The following OPCML variants were observed in gnomAD, a reference collection of about 807,000 sequenced individuals.
OPCML encodes opioid-binding protein/cell adhesion molecule.
OPCML carries 13 observed loss-of-function variants against 37.8 expected under a neutral mutation model. The ratio of observed to expected loss-of-function variants is 0.34; its 90% CI spans 0.22 to 0.55. The LOEUF (loss-of-function observed/expected upper bound fraction) is 0.55. OPCML is among the 20% of genes least tolerant of loss of function. The pLI, the probability that OPCML is intolerant of heterozygous loss-of-function variation, is 0.91. For synonymous variants in OPCML, 176 were observed against 168.8 expected, an observed-to-expected ratio of 1.04 and a Z score of -0.33; for missense variants, 341 against 435.6, an observed-to-expected ratio of 0.78 and a Z score of 1.93.
chr11:133,351,549 T>C (rs1239261489), intron 1 of OPCML, among the ~76,000 whole-genome samples: 1 of 151,670 alleles, frequency 6.6e-6, no homozygotes, highest in Non-Finnish European at 1.5e-5. Flanking sequence ...TCCTTCTCTT[T>C]CTGACCTCTA....
At chr11:133,526,295 G>C (rs952916274) in intron 1 of OPCML, among the ~76,000 whole-genome samples, 1 of 152,204 alleles carries the variant, frequency 6.6e-6, no homozygotes, top group African/African-American at 2.4e-5. Context: ...CCAAGGCTGG[G>C]GGCTAGAGTT....
chr11:132,559,944 A>G lies in OPCML; in HGVS notation c.380-30758T>C, dbSNP rs538821064. Among the ~76,000 whole-genome samples the G allele has an allele frequency of 7.2e-5, 11 of 152,344 alleles. No individual in the cohort carries two copies. In the South Asian group the frequency reaches 2.3e-3, roughly 32 times the overall value. ...AAGAATTGGCAAAAGCTATTTTACA[A>G]GTATCCCTCACTTTATATAAAAGCC... On this transcript the variant is annotated intron_variant, in intron 3 of 7. Coordinates refer to ENST00000524381, the MANE Select transcript of OPCML (RefSeq NM_001012393.5).
chr11:133,377,421 C>T (rs1037418159), intron 1 of OPCML, among the ~76,000 whole-genome samples: 2 of 151,652 alleles, frequency 1.3e-5, no homozygotes, highest in South Asian at 2.1e-4. Flanking sequence ...TGAGTTTTGC[C>T]GATTGAAGAT....
intron 7 of OPCML, among the ~76,000 whole-genome samples, chr11:132,424,993 G>A (rs1424611972): frequency 1.3e-5 from 2 of 152,206 alleles, no homozygotes; most frequent in African/African-American, 4.8e-5. Flanking sequence ...AGGATGTGGG[G>A]CATTGAGCAG....
chr11:132,708,346 T>C (rs1215979484), intron 2 of OPCML, among the ~76,000 whole-genome samples: 1 of 152,232 alleles, frequency 6.6e-6, no homozygotes, highest in Non-Finnish European at 1.5e-5. Flanking sequence ...ACTTTCTTTC[T>C]TCTCTTTGTA....
At chr11:133,250,912 A>T (rs542095513) in intron 1 of OPCML, among the ~76,000 whole-genome samples, 3 of 152,130 alleles carry the variant, frequency 2.0e-5, no homozygotes, top group African/African-American at 7.2e-5. Flanking sequence ...TCCCCTTCAC[A>T]TTTCTGCTGC....
intron 1 of OPCML, among the ~76,000 whole-genome samples, chr11:133,002,965 A>T (rs144674921): frequency 2.6e-5 from 4 of 152,078 alleles, no homozygotes; most frequent in African/African-American, 9.7e-5. Context: ...CAGTGGGGGG[A>T]AAAATGCAAG....
chr11:132,550,575 CTTT>C (rs2096379292), intron 3 of OPCML, among the ~76,000 whole-genome samples: 1 of 152,212 alleles, frequency 6.6e-6, no homozygotes, highest in Non-Finnish European at 1.5e-5. Context: ...AACTAAACTT[CTTT>C]TCTTTATAAA....
At chr11:132,868,242 T>C (rs1942649390) in intron 2 of OPCML, among the ~76,000 whole-genome samples, 1 of 151,424 alleles carries the variant, frequency 6.6e-6, no homozygotes, top group African/African-American at 2.4e-5. Flanking sequence ...AGGAATGGAA[T>C]TTTTAGCCCA....
At chr11:132,889,239 G>A (rs920187671) in intron 2 of OPCML, among the ~76,000 whole-genome samples, 2 of 152,186 alleles carry the variant, frequency 1.3e-5, no homozygotes, top group Non-Finnish European at 2.9e-5. Context: ...TCGGAATAAT[G>A]GTGGCTCCTT....
chr11:132,496,399 T>G (rs546894472), intron 4 of OPCML, among the ~76,000 whole-genome samples: 5 of 152,242 alleles, frequency 3.3e-5, no homozygotes, highest in Admixed American at 2.0e-4. Context: ...ATTATAGGAA[T>G]ACATATCTTA....
Position 133,142,250 on chromosome 11 carries a change from T to A in OPCML, c.62-199240A>T, listed in dbSNP as rs568399676. Among the ~76,000 whole-genome samples the A allele has an allele frequency of 3.9e-5, 6 of 152,330 alleles. No individual in the cohort carries two copies. The East Asian group carries it at 1.2e-3, about 29-fold the overall frequency. On this transcript the variant is annotated intron_variant, in intron 1 of 7. Coordinates refer to ENST00000524381, the MANE Select transcript of OPCML (RefSeq NM_001012393.5). Reference sequence around the variant, plus strand: ...CCAAAAAAGGGTCGCAACTCATTAATAAATAAATTCAAAAGTCTGTAGCTT... The same window carrying A: ...CCAAAAAAGGGTCGCAACTCATTAAAAAATAAATTCAAAAGTCTGTAGCTT...
At chr11:132,811,767 A>G (rs1211144041) in intron 2 of OPCML, among the ~76,000 whole-genome samples, 1 of 152,154 alleles carries the variant, frequency 6.6e-6, no homozygotes. Context: ...ACTGCTCACT[A>G]AGGGTTCAAA....
chr11:132,535,078 ATAT>A (rs1364526030), intron 3 of OPCML, among the ~76,000 whole-genome samples: 1 of 148,616 alleles, frequency 6.7e-6, no homozygotes, highest in East Asian at 1.9e-4. Context: ...AATATATTGT[ATAT>A]TATATTTAAT....
intron 4 of OPCML, among the ~76,000 whole-genome samples, chr11:132,443,002 G>T (rs935522336): frequency 2.0e-5 from 3 of 152,178 alleles, no homozygotes; most frequent in African/African-American, 7.2e-5. Context: ...TGGTGTTGAG[G>T]CAATCCCCAT....
chr11:132,520,242 C>T (rs946536283), intron 4 of OPCML, among the ~76,000 whole-genome samples: 1 of 152,190 alleles, frequency 6.6e-6, no homozygotes, highest in African/African-American at 2.4e-5. Context: ...ATTCCAACCT[C>T]AAGCTATGGA....
chr11:132,577,546 A>T lies in OPCML; in HGVS notation c.380-48360T>A, dbSNP rs11223135. On this transcript the variant is annotated intron_variant, in intron 3 of 7. Transcript: ENST00000524381. ...TCCACATCCCTGGGATGTAAAATAC[A>T]ACCACAGCAATGAATACCCTACCGA... is the stretch of plus-strand genomic sequence containing the variant. 0.012 allele frequency among the ~76,000 whole-genome samples: 1,792 copies of T among 152,224 alleles called. 130 individuals are homozygous for T. In the East Asian group the frequency reaches 0.21, roughly 18 times the overall value.
At chr11:133,151,715 C>T (rs112079799) in intron 1 of OPCML, among the ~76,000 whole-genome samples, 6 of 152,288 alleles carry the variant, frequency 3.9e-5, no homozygotes, top group African/African-American at 1.4e-4. Flanking sequence ...GGACACTGCT[C>T]CTGGTTCCCA....
At chr11:132,969,682 G>T (rs987652313) in intron 1 of OPCML, among the ~76,000 whole-genome samples, 1 of 151,988 alleles carries the variant, frequency 6.6e-6, no homozygotes, top group African/African-American at 2.4e-5. Flanking sequence ...TTTGCTAGTT[G>T]AAGTTTATTA....
Sources: allele counts gnomAD v4.1 joint callset (sites outside exome capture counted in the v4.1 genomes callset), GRCh38; gene constraint gnomAD v4.1.1; transcripts MANE v1.5; gene names NCBI Gene and HGNC (gene_info 2026-07-23, HGNC 2026-07-21).